The following SEMA3E variants were observed in gnomAD, a reference collection of about 807,000 sequenced individuals.
SEMA3E encodes semaphorin-3E.
A neutral mutation model predicts 93.6 loss-of-function variants in SEMA3E; 49 were observed. That is an observed-to-expected ratio of 0.52 (90% confidence interval 0.42 to 0.66). The LOEUF (loss-of-function observed/expected upper bound fraction) is 0.66. Among genes scored for constraint, SEMA3E ranks in the 30% least tolerant of loss-of-function variants. SEMA3E has a pLI of 0.00. For missense variants in SEMA3E, 906 were observed against 964.8 expected (o/e 0.94, Z 0.81); for synonymous variants, 363 against 330.7 (o/e 1.10, Z -1.06).
At chr7:83,483,983 T>C (rs150064460) in intron 2 of SEMA3E, among the ~76,000 whole-genome samples, 264 of 152,228 alleles carry the variant, frequency 1.7e-3, no homozygotes, top group Middle Eastern at 3.4e-3. Context: ...ATCACATGGC[T>C]CTGTACCACC....
At chr7:83,506,035 AT>A (rs1439760836) in intron 1 of SEMA3E, among the ~76,000 whole-genome samples, 2,016 of 32,296 alleles carry the variant, frequency 0.062, 54 homozygotes, top group African/African-American at 0.1. Context: ...AAAAAAAAAT[AT>A]ATATATATAT....
intron 4 of SEMA3E, among the ~76,000 whole-genome samples, chr7:83,422,926 G>A (rs1476222850): frequency 2.6e-5 from 4 of 152,180 alleles, no homozygotes. Context: ...ATAAAATGCA[G>A]TCACAATTTC....
chr7:83,475,833 T>C (rs1187577252), intron 2 of SEMA3E, among the ~76,000 whole-genome samples: 2 of 152,202 alleles, frequency 1.3e-5, no homozygotes, highest in East Asian at 1.9e-4. Context: ...TTTTCTAGGA[T>C]TGCCAGAACA....
chr7:83,375,613 G>C (rs1794809714), intron 16 of SEMA3E, among the ~76,000 whole-genome samples: 1 of 151,966 alleles, frequency 6.6e-6, no homozygotes, highest in Admixed American at 6.6e-5. Context: ...GAAAGGAATT[G>C]GTATTTTGGA....
intron 1 of SEMA3E, among the ~76,000 whole-genome samples, chr7:83,647,538 TTCTC>T (rs1794094815): frequency 1.3e-5 from 2 of 152,226 alleles, no homozygotes; most frequent in African/African-American, 4.8e-5. Context: ...CAAAGTCACT[TTCTC>T]TGAGCATGGT....
rs144863108 is a variant in SEMA3E at position 83,619,908 on chromosome 7, T to C, written c.115+28520A>G. 4.6e-3 allele frequency among the ~76,000 whole-genome samples: 561 copies of C among 121,456 alleles called. 12 individuals carry two copies. Among genetic ancestry groups the C allele is most frequent in the East Asian group, 9.1e-3 (33 of 3,638 alleles). The allele number at this position is 121,456 out of a possible 152,430, so 79.7% of individuals were successfully genotyped here. ...GATGATAGATAGATAGATAGACAGA[T>C]AGATAGATAGATAGACAGATAGATA... On this transcript the variant is annotated intron_variant, in intron 1 of 16. Coordinates refer to ENST00000643230, the MANE Select transcript of SEMA3E (RefSeq NM_012431.3).
intron 1 of SEMA3E, among the ~76,000 whole-genome samples, chr7:83,525,268 C>A (rs1017785684): frequency 3.9e-5 from 6 of 152,056 alleles, no homozygotes; most frequent in African/African-American, 1.4e-4. Flanking sequence ...CCTGTTTTTT[C>A]ATTTTAATTT....
At chr7:83,528,356 A>T (rs2115714838) in intron 1 of SEMA3E, among the ~76,000 whole-genome samples, 1 of 152,246 alleles carries the variant, frequency 6.6e-6, no homozygotes, top group South Asian at 2.1e-4. Flanking sequence ...TAGAAATACA[A>T]TATTATCAGG....
chr7:83,537,279 A>G (rs1213319863), intron 1 of SEMA3E, among the ~76,000 whole-genome samples: 2 of 152,210 alleles, frequency 1.3e-5, no homozygotes, highest in African/African-American at 4.8e-5. Flanking sequence ...CACAGTTTAA[A>G]TAGACAAATA....
At chr7:83,556,318 C>A (rs1165055336) in intron 1 of SEMA3E, among the ~76,000 whole-genome samples, 8 of 152,116 alleles carry the variant, frequency 5.3e-5, no homozygotes, top group South Asian at 2.1e-4. Context: ...TATGTCCATG[C>A]AAATAACCTG....
chr7:83,605,591 C>G (rs1793098222), intron 1 of SEMA3E, among the ~76,000 whole-genome samples: 1 of 151,948 alleles, frequency 6.6e-6, no homozygotes, highest in Admixed American at 6.6e-5. Context: ...CCACCACCCC[C>G]AGCTATTTTT....
rs116504207 is a variant in SEMA3E at position 83,629,852 on chromosome 7, C to T, written c.115+18576G>A. Among the ~76,000 whole-genome samples the T allele has an allele frequency of 6.5e-3, 988 of 152,286 alleles. 12 individuals carry two copies. The highest frequency in any genetic ancestry group is 0.023 in the African/African-American group (949 of 41,558). Reference sequence around the variant, plus strand: ...ACTGGGGTATGAAAAAAACTTCCTGCAGCTAGCTCATTGTCTGCCCACACA... The same window carrying T: ...ACTGGGGTATGAAAAAAACTTCCTGTAGCTAGCTCATTGTCTGCCCACACA... On this transcript the variant is annotated intron_variant, in intron 1 of 16. Coordinates refer to ENST00000643230, the MANE Select transcript of SEMA3E (RefSeq NM_012431.3).
intron 1 of SEMA3E, among the ~76,000 whole-genome samples, chr7:83,598,727 A>G (rs1382287464): frequency 6.6e-6 from 1 of 152,216 alleles, no homozygotes. Flanking sequence ...GCTTCTCCCC[A>G]CTAAGATATT....
At chr7:83,598,737 T>C (rs891007893) in intron 1 of SEMA3E, among the ~76,000 whole-genome samples, 2 of 152,178 alleles carry the variant, frequency 1.3e-5, no homozygotes, top group African/African-American at 4.8e-5. Context: ...ACTAAGATAT[T>C]TACCACAAGA....
intron 2 of SEMA3E, among the ~76,000 whole-genome samples, chr7:83,479,536 T>C (rs1184955372): frequency 6.6e-6 from 1 of 152,210 alleles, no homozygotes; most frequent in Non-Finnish European, 1.5e-5. Flanking sequence ...CACATTAGAA[T>C]CATCTAGCTT....
chr7:83,454,086 G>A (rs1487036273), intron 4 of SEMA3E, among the ~76,000 whole-genome samples: 2 of 150,668 alleles, frequency 1.3e-5, no homozygotes, highest in Non-Finnish European at 1.5e-5. Context: ...GTGAAAACCC[G>A]TCTCTACTAA....
chr7:83,500,742 G>A (rs1018722879), intron 1 of SEMA3E, among the ~76,000 whole-genome samples: 19 of 151,850 alleles, frequency 1.3e-4, no homozygotes, highest in African/African-American at 4.6e-4. Context: ...ATAGGCATAC[G>A]CCACCATACC....
At chr7:83,602,112 T>C (rs1299999454) in intron 1 of SEMA3E, among the ~76,000 whole-genome samples, 1 of 152,176 alleles carries the variant, frequency 6.6e-6, no homozygotes, top group Admixed American at 6.5e-5. Context: ...ACGATTCCTG[T>C]ATGCTCTGGG....
chr7:83,452,678 T>G (rs1047419037), intron 4 of SEMA3E, among the ~76,000 whole-genome samples: 1 of 152,204 alleles, frequency 6.6e-6, no homozygotes, highest in Non-Finnish European at 1.5e-5. Context: ...GAATCCTCTT[T>G]TCCTTCCCAT....
Sources: allele counts gnomAD v4.1 joint callset (sites outside exome capture counted in the v4.1 genomes callset), GRCh38; gene constraint gnomAD v4.1.1; transcripts MANE v1.5; gene names NCBI Gene and HGNC (gene_info 2026-07-23, HGNC 2026-07-21).